Variants in DOCK4 observed in about 807,000 individuals in gnomAD.
DOCK4 encodes dedicator of cytokinesis 4.
Under a neutral mutation model 268.1 loss-of-function variants are expected in DOCK4, and 97 were observed. The observed-to-expected ratio is 0.36, with a 90% CI of 0.31 to 0.43. The LOEUF is 0.43. Among genes scored for constraint, DOCK4 ranks in the 20% least tolerant of loss-of-function variants. The pLI is 1.00. For synonymous variants in DOCK4, 954 were observed against 887.2 expected (o/e 1.08, Z -1.34); for missense variants, 2,145 against 2,455.7 (o/e 0.87, Z 2.67).
intron 30 of DOCK4, among the ~76,000 whole-genome samples, chr7:111,797,296 T>C (rs564468570): frequency 2.0e-5 from 3 of 152,314 alleles, no homozygotes; most frequent in South Asian, 4.1e-4. Flanking sequence ...AGGGGAACCA[T>C]CTAAAAATCC....
chr7:112,085,262 T>C (rs1240450973), intron 1 of DOCK4, among the ~76,000 whole-genome samples: 1 of 152,208 alleles, frequency 6.6e-6, no homozygotes, highest in East Asian at 1.9e-4. Context: ...AAATTATCTT[T>C]CATAAACCAG....
chr7:112,025,836 T>C (rs1802736110), intron 1 of DOCK4, among the ~76,000 whole-genome samples: 1 of 152,150 alleles, frequency 6.6e-6, no homozygotes, highest in Non-Finnish European at 1.5e-5. Flanking sequence ...AACAGCCCCA[T>C]TCACTGTTTG....
chr7:111,944,811 C>A lies in DOCK4; in HGVS notation c.844G>T (p.Gly282Cys). Reference sequence around the variant, plus strand: ...CTGCACTGACAAGTGTTATACCTACCGATTCGGATAATGTGCACGGTGATA... The same window carrying A: ...CTGCACTGACAAGTGTTATACCTACAGATTCGGATAATGTGCACGGTGATA... Reference protein sequence around the residue: ...IYITVHIIRIGRMGAGEKKNA... With the variant: ...IYITVHIIRICRMGAGEKKNA... The change falls in exon 10 of 53, where the codon GGT becomes TGT. Residue 282 changes from glycine (G) to cysteine (C), a missense_variant and splice_region_variant. Transcript: ENST00000428084. 1 of 1,613,700 alleles carries A rather than the reference C, an allele frequency of 6.2e-7. No homozygotes were observed. The highest frequency in any genetic ancestry group is 8.5e-7 in the Non-Finnish European group (1 of 1,179,682).
chr7:111,936,512 G>GGATGGATA (rs1794751659), intron 11 of DOCK4, among the ~76,000 whole-genome samples: 1 of 152,048 alleles, frequency 6.6e-6, no homozygotes, highest in African/African-American at 2.4e-5. Context: ...ATGGATGGAT[G>GGATGGATA]GATGGATGGA....
chr7:112,124,984 A>G (rs1461648975), intron 1 of DOCK4, among the ~76,000 whole-genome samples: 1 of 152,208 alleles, frequency 6.6e-6, no homozygotes, highest in Non-Finnish European at 1.5e-5. Context: ...TATCAAAAAG[A>G]TGTTTTCATA....
At chr7:111,818,410 T>C (rs773164476) in intron 27 of DOCK4, among the ~76,000 whole-genome samples, 3 of 151,242 alleles carry the variant, frequency 2.0e-5, no homozygotes, top group Non-Finnish European at 4.4e-5. Context: ...GCTACTCCTC[T>C]TTCCATTTTT....
At chr7:111,801,687 C>CT (rs796439376) in intron 30 of DOCK4, 2,864 of 131,164 alleles carry the variant, frequency 0.022, 35 homozygotes, top group Non-Finnish European at 0.026. Context: ...TTCTTTTTTC[C>CT]TTTTTTTTTT....
In DOCK4 at chr7:111,991,961, CAAAAAAAAA is replaced by C. The variant is rs60667093; in HGVS notation, c.315+2165_315+2173del. ...GGGCAACAGAGAGAGACTCTGTCTCCAAAAAAAAAAAAAAAAAAAAAAAAAAAGTGCCTG... is the reference window on the plus strand; with the variant it reads ...GGGCAACAGAGAGAGACTCTGTCTCCAAAAAAAAAAAAAAAAAAGTGCCTG... On this transcript the variant is annotated intron_variant, in intron 5 of 52. Coordinates refer to ENST00000428084, the MANE Select transcript of DOCK4 (RefSeq NM_001363540.2). Among the ~76,000 whole-genome samples the C allele has an allele frequency of 1.4e-4, 7 of 50,916 alleles. No individual in the cohort carries two copies. The East Asian group carries it at 3.6e-3, about 26-fold the overall frequency. 33.4% of individuals were successfully genotyped at this position (50,916 alleles called of 152,430 possible). A position where few individuals can be genotyped will look rare whatever the true frequency, so the allele number is the denominator to read the frequency against.
At chr7:111,737,255 AT>A (rs1795568113) in intron 49 of DOCK4, among the ~76,000 whole-genome samples, 1 of 152,212 alleles carries the variant, frequency 6.6e-6, no homozygotes, top group Non-Finnish European at 1.5e-5. Flanking sequence ...AATGTAAAAA[AT>A]AAATAGTAAA....
intron 1 of DOCK4, among the ~76,000 whole-genome samples, chr7:112,198,686 A>C (rs1820669882): frequency 6.6e-6 from 1 of 152,220 alleles, no homozygotes; most frequent in African/African-American, 2.4e-5. Flanking sequence ...AGATTTTTTA[A>C]AAAAGAACTT....
At chr7:112,164,502 T>C (rs1173041490) in intron 1 of DOCK4, among the ~76,000 whole-genome samples, 2 of 152,228 alleles carry the variant, frequency 1.3e-5, no homozygotes, top group Non-Finnish European at 1.5e-5. Context: ...CTATCTGGAT[T>C]ACTTACTCTG....
intron 1 of DOCK4, among the ~76,000 whole-genome samples, chr7:112,189,438 G>C (rs894131775): frequency 5.3e-5 from 8 of 152,172 alleles, no homozygotes; most frequent in Admixed American, 1.3e-4. Context: ...ATGGTGGCCA[G>C]AGGATATGAC....
intron 1 of DOCK4, among the ~76,000 whole-genome samples, chr7:112,182,140 G>C (rs958586970): frequency 6.6e-6 from 1 of 152,080 alleles, no homozygotes; most frequent in African/African-American, 2.4e-5. Flanking sequence ...TCAGTTTCTT[G>C]AGCTGAAAAA....
rs112651573 is a variant in DOCK4 at position 112,116,789 on chromosome 7, G to A, written c.37+89313C>T. 1.1e-3 allele frequency among the ~76,000 whole-genome samples: 170 copies of A among 151,976 alleles called. 1 individual carries two copies. Among genetic ancestry groups the A allele is most frequent in the Non-Finnish European group, 1.5e-3 (105 of 67,968 alleles). On this transcript the variant is annotated intron_variant, in intron 1 of 52. Coordinates refer to ENST00000428084, the MANE Select transcript of DOCK4 (RefSeq NM_001363540.2). ...TTTCTTTTCTCTTTTTTGTAGAGTC[G>A]GCTGTTGTTGCCCAGGCTGTTCTCG...
chr7:112,000,708 AG>A (rs1296223122), intron 2 of DOCK4, among the ~76,000 whole-genome samples, 174 bp from the exon 3 acceptor site: 2 of 152,234 alleles, frequency 1.3e-5, no homozygotes, highest in Non-Finnish European at 2.9e-5. Flanking sequence ...ACCAAACATA[AG>A]AATTCTATTA....
intron 1 of DOCK4, among the ~76,000 whole-genome samples, chr7:112,006,588 C>T (rs1212977219): frequency 6.6e-6 from 1 of 152,128 alleles, no homozygotes; most frequent in Non-Finnish European, 1.5e-5. Context: ...AAAGAAGTTC[C>T]CTAATCTCAT....
intron 15 of DOCK4, 58 bp from the exon 16 acceptor site, chr7:111,895,776 G>T: frequency 6.7e-7 from 1 of 1,490,516 alleles, no homozygotes; most frequent in Non-Finnish European, 9.3e-7. Context: ...TACATAGTTT[G>T]TCAAGAAGCA....
intron 1 of DOCK4, among the ~76,000 whole-genome samples, chr7:112,011,823 T>C (rs1243856563): frequency 6.7e-6 from 1 of 149,986 alleles, no homozygotes; most frequent in African/African-American, 2.5e-5. Flanking sequence ...AAAAACAATG[T>C]AATATGATTA....
chr7:111,939,514 C>CAAA lies in DOCK4; in HGVS notation c.977+593_977+595dup, dbSNP rs55951068. 3.9e-3 allele frequency among the ~76,000 whole-genome samples: 317 copies of CAAA among 80,670 alleles called. 1 individual carries two copies. The highest frequency in any genetic ancestry group is 0.014 in the African/African-American group (298 of 21,088). The allele number at this position is 80,670 out of a possible 152,430, so 52.9% of individuals were successfully genotyped here. A position where few individuals can be genotyped will look rare whatever the true frequency, so the allele number is the denominator to read the frequency against. On this transcript the variant is annotated intron_variant, in intron 11 of 52. Coordinates refer to ENST00000428084, the MANE Select transcript of DOCK4 (RefSeq NM_001363540.2). Reference sequence around the variant, plus strand: ...TGGGCAACAGAGCGAGACTCCTTCTCAAAAAAAAAAAAAAAAAAAATTTAC... The same window carrying CAAA: ...TGGGCAACAGAGCGAGACTCCTTCTCAAAAAAAAAAAAAAAAAAAAAAATTTAC...
Sources: gnomAD v4.1 joint callset for allele counts (sites outside exome capture counted in the v4.1 genomes callset) on GRCh38, gnomAD v4.1.1 for gene constraint, MANE v1.5 for transcripts, NCBI Gene and HGNC (gene_info 2026-07-23, HGNC 2026-07-21) for gene names.